UBE2L3: variants seen among roughly 807,000 people sequenced by gnomAD.
The protein encoded by UBE2L3 is ubiquitin conjugating enzyme E2 L3.
In UBE2L3, 1 loss-of-function variant was observed where a neutral mutation model predicts 17.8. The observed-to-expected ratio is 0.06, with a 90% CI of 0.02 to 0.27. UBE2L3 has a LOEUF of 0.27. Ranked by LOEUF, UBE2L3 falls within the 10% of genes least tolerant of loss-of-function variation. The pLI is 1.00. For missense variants in UBE2L3, 40 were observed against 192.6 expected (o/e 0.21, Z 4.69); for synonymous variants, 44 against 68.5 (o/e 0.64, Z 1.76).
chr22:21,579,814 G>A (rs1321429941), intron 1 of UBE2L3, among the ~76,000 whole-genome samples: 1 of 152,096 alleles, frequency 6.6e-6, no homozygotes, highest in African/African-American at 2.4e-5. Flanking sequence ...ATTGCTAACG[G>A]TTGTCTTATG....
chr22:21,558,783 C>T (rs1452862354), intron 1 of UBE2L3, among the ~76,000 whole-genome samples: 1 of 152,230 alleles, frequency 6.6e-6, no homozygotes, highest in Non-Finnish European at 1.5e-5. Flanking sequence ...AGCCACCACA[C>T]CCAGCCGCAT....
At chr22:21,565,082 G>GA (rs1369500139), upstream of UBE2L3, among the ~76,000 whole-genome samples, 4 of 151,642 alleles carry the variant, frequency 2.6e-5, no homozygotes, top group Non-Finnish European at 4.4e-5. Context: ...CTTATTCCAG[G>GA]ATATATATAT....
chr22:21,576,954 C>T (rs1443344706), intron 1 of UBE2L3, among the ~76,000 whole-genome samples: 1 of 151,720 alleles, frequency 6.6e-6, no homozygotes, highest in African/African-American at 2.4e-5. Flanking sequence ...CAGGCGTGTG[C>T]CACCATGCCT....
chr22:21,563,141 C>G (rs529024431), upstream of UBE2L3, among the ~76,000 whole-genome samples: 1 of 150,638 alleles, frequency 6.6e-6, no homozygotes, highest in Non-Finnish European at 1.5e-5. Context: ...ACTCGGGAGG[C>G]TGGGGCAGGA....
At chr22:21,606,149 G>A (rs1929146598) in intron 2 of UBE2L3, among the ~76,000 whole-genome samples, 1 of 152,188 alleles carries the variant, frequency 6.6e-6, no homozygotes, top group African/African-American at 2.4e-5. Flanking sequence ...GCTAACTTGG[G>A]GCCAGATGGC....
At chr22:21,582,911 T>C (rs1927724408) in intron 1 of UBE2L3, among the ~76,000 whole-genome samples, 1 of 152,162 alleles carries the variant, frequency 6.6e-6, no homozygotes, top group Non-Finnish European at 1.5e-5. Context: ...CATCTTGTAC[T>C]GGAGGCTGAT....
chr22:21,561,872 C>G (rs1926444541), intron 1 of UBE2L3, among the ~76,000 whole-genome samples: 1 of 152,156 alleles, frequency 6.6e-6, no homozygotes, highest in Non-Finnish European at 1.5e-5. Flanking sequence ...AGCTTCCTAG[C>G]CCAGTGATGG....
intron 2 of UBE2L3, among the ~76,000 whole-genome samples, chr22:21,602,298 A>C (rs765291362): frequency 5.3e-5 from 8 of 152,324 alleles, no homozygotes; most frequent in Non-Finnish European, 1.0e-4. Context: ...CCAGCTCTTC[A>C]GGTCAGCCAT....
chr22:21,598,032 C>G (rs1324072630), intron 2 of UBE2L3, among the ~76,000 whole-genome samples: 1 of 149,092 alleles, frequency 6.7e-6, no homozygotes, highest in Non-Finnish European at 1.5e-5. Context: ...AACTCCTAGA[C>G]TCAAGTGATC....
upstream of UBE2L3, among the ~76,000 whole-genome samples, chr22:21,565,273 T>C (rs1023666021): frequency 2.0e-5 from 3 of 151,606 alleles, no homozygotes; most frequent in East Asian, 5.9e-4. Flanking sequence ...TTTGTATTTT[T>C]AGTAGAGATG....
At chr22:21,565,523 G>C (rs565350883), upstream of UBE2L3, among the ~76,000 whole-genome samples, 2 of 151,444 alleles carry the variant, frequency 1.3e-5, no homozygotes, top group South Asian at 4.2e-4. Context: ...AGGCCAAGGT[G>C]GGTGGATCAC....
At chr22:21,580,729 G>A (rs1312860140) in intron 1 of UBE2L3, among the ~76,000 whole-genome samples, 1 of 152,032 alleles carries the variant, frequency 6.6e-6, no homozygotes, top group Non-Finnish European at 1.5e-5. Context: ...GATTACAGGT[G>A]TGAGCCATTG....
chr22:21,585,477 C>T (rs117923774), intron 1 of UBE2L3, among the ~76,000 whole-genome samples: 3,694 of 152,282 alleles, frequency 0.024, 73 homozygotes, highest in Non-Finnish European at 0.039. Flanking sequence ...TCTCTCTCAG[C>T]CCACTTCCCA....
chr22:21,562,941 ACTT>A (rs1242559806), upstream of UBE2L3, among the ~76,000 whole-genome samples: 3 of 135,274 alleles, frequency 2.2e-5, no homozygotes, highest in East Asian at 7.8e-4. Context: ...GGAAGAAGCC[ACTT>A]CTTTTCAAAA....
At chr22:21,578,249 A>G (rs1927421906) in intron 1 of UBE2L3, among the ~76,000 whole-genome samples, 1 of 151,324 alleles carries the variant, frequency 6.6e-6, no homozygotes, top group Non-Finnish European at 1.5e-5. Flanking sequence ...AGTCCCAGCT[A>G]CTCGGGAGGC....
chr22:21,611,913 C>T (rs1366369865), intron 3 of UBE2L3, among the ~76,000 whole-genome samples: 1 of 152,110 alleles, frequency 6.6e-6, no homozygotes, highest in Non-Finnish European at 1.5e-5. Flanking sequence ...GGGTGCTGCT[C>T]TAGGGTAGGG....
chr22:21,577,800 C>T (rs187442142), intron 1 of UBE2L3, among the ~76,000 whole-genome samples: 44 of 152,268 alleles, frequency 2.9e-4, no homozygotes, highest in Non-Finnish European at 3.8e-4. Flanking sequence ...GATTTTGTCC[C>T]TACTTTCCTA....
intron 1 of UBE2L3, among the ~76,000 whole-genome samples, chr22:21,569,253 G>A (rs1233950790): frequency 2.6e-5 from 4 of 152,024 alleles, no homozygotes; most frequent in African/African-American, 4.8e-5. Context: ...AAAATTAGCT[G>A]GGCGTGGTTG....
At chr22:21,604,702 T>C (rs968894973) in intron 2 of UBE2L3, among the ~76,000 whole-genome samples, 1 of 152,214 alleles carries the variant, frequency 6.6e-6, no homozygotes, top group African/African-American at 2.4e-5. Flanking sequence ...CTTGTAGAGC[T>C]GTAGGCCTTT....
Sources: gnomAD v4.1 joint callset for allele counts (sites outside exome capture counted in the v4.1 genomes callset) on GRCh38, gnomAD v4.1.1 for gene constraint, MANE v1.5 for transcripts, NCBI Gene and HGNC (gene_info 2026-07-23, HGNC 2026-07-21) for gene names.